Variants in PCDH15 observed in about 807,000 individuals in gnomAD.
PCDH15 encodes protocadherin related 15.
Under a neutral mutation model 178.5 loss-of-function variants are expected in PCDH15, and 129 were observed. The ratio of observed to expected loss-of-function variants is 0.72; its 90% confidence interval spans 0.63 to 0.84. The LOEUF is 0.84. Ranked by LOEUF, PCDH15 falls within the 40% of genes least tolerant of loss-of-function variation. The pLI, the probability that PCDH15 is intolerant of heterozygous loss-of-function variation, is 0.00. For missense variants in PCDH15, 2,230 were observed against 2,099.9 expected (o/e 1.06, Z -1.21); for synonymous variants, 800 against 732.0 (o/e 1.09, Z -1.50).
At chr10:54,282,565 A>C (rs564606939) in intron 8 of PCDH15, among the ~76,000 whole-genome samples, 2 of 152,256 alleles carry the variant, frequency 1.3e-5, no homozygotes, top group East Asian at 1.9e-4. Flanking sequence ...TCTACAATCA[A>C]GTAAAGCTCA....
At chr10:54,011,022 A>G (rs1373044071) in intron 20 of PCDH15, among the ~76,000 whole-genome samples, 1 of 152,148 alleles carries the variant, frequency 6.6e-6, no homozygotes. Flanking sequence ...AGGAGGACAC[A>G]GTCATCATAT....
intron 2 of PCDH15, among the ~76,000 whole-genome samples, chr10:55,392,715 AT>A (rs1837825612): frequency 6.6e-6 from 1 of 152,188 alleles, no homozygotes; most frequent in Non-Finnish European, 1.5e-5. Context: ...AATATATTGT[AT>A]TTAAAAGTTG....
intron 17 of PCDH15, among the ~76,000 whole-genome samples, chr10:54,068,889 A>G (rs2094187335): frequency 6.6e-6 from 1 of 152,212 alleles, no homozygotes; most frequent in South Asian, 2.1e-4. Flanking sequence ...AGATGCACAC[A>G]CACAAACATA....
In PCDH15 at chr10:53,991,001, C is replaced by T. The variant is rs367555471; in HGVS notation, c.2868+4648G>A. On this transcript the variant is annotated intron_variant, in intron 21 of 37. Transcript: ENST00000644397. ...ACTGAGTCCCCCAGCACTGCCCGCC[C>T]GCCCACGCTGCACTCGAATTCTCGC... Among the ~76,000 whole-genome samples the T allele has an allele frequency of 7.4e-4, 113 of 152,228 alleles. 1 individual carries two copies. The highest frequency in any genetic ancestry group is 2.3e-3 in the East Asian group (12 of 5,168).
At chr10:55,336,141 A>C (rs1588926645) in intron 2 of PCDH15, among the ~76,000 whole-genome samples, 1 of 150,204 alleles carries the variant, frequency 6.7e-6, no homozygotes, top group Admixed American at 6.6e-5. Flanking sequence ...AAAAAAAAAA[A>C]AAAAAAAAAA....
intron 1 of PCDH15, among the ~76,000 whole-genome samples, chr10:54,681,587 A>G (rs1434606095): frequency 1.3e-5 from 2 of 152,296 alleles, no homozygotes; most frequent in Non-Finnish European, 2.9e-5. Flanking sequence ...TGTATTTGCA[A>G]AACAGAAGTC....
At chr10:54,066,647 A>G (rs2094141515) in intron 18 of PCDH15, 110 bp downstream of exon 18, 1 of 1,058,474 alleles carries the variant, frequency 9.4e-7, no homozygotes, top group African/African-American at 1.6e-5. Flanking sequence ...AATATCCAGC[A>G]CAGTCATTTA....
At chr10:54,844,479 A>G (rs778372470) in intron 3 of PCDH15, among the ~76,000 whole-genome samples, 21 of 151,786 alleles carry the variant, frequency 1.4e-4, no homozygotes, top group Non-Finnish European at 2.5e-4. Context: ...GCTTTGATGG[A>G]TTCACATATA....
intron 2 of PCDH15, among the ~76,000 whole-genome samples, chr10:55,521,590 A>C (rs984012588): frequency 6.6e-6 from 1 of 151,948 alleles, no homozygotes; most frequent in Admixed American, 6.6e-5. Context: ...AATATTCTCT[A>C]TTTATCTGTC....
intron 3 of PCDH15, among the ~76,000 whole-genome samples, chr10:54,399,717 C>T (rs1479176715): frequency 6.6e-6 from 1 of 152,032 alleles, no homozygotes; most frequent in Non-Finnish European, 1.5e-5. Context: ...AGAGAATCAC[C>T]ATGAGGAATG....
chr10:55,026,712 T>C (rs1293981732), intron 2 of PCDH15, among the ~76,000 whole-genome samples: 1 of 151,898 alleles, frequency 6.6e-6, no homozygotes, highest in African/African-American at 2.4e-5. Flanking sequence ...AAATTGAAAA[T>C]GCCTGAAAGC....
At chr10:54,260,221 TA>T (rs2057209549) in intron 8 of PCDH15, among the ~76,000 whole-genome samples, 1 of 152,196 alleles carries the variant, frequency 6.6e-6, no homozygotes, top group Admixed American at 6.5e-5. Flanking sequence ...TCACGAGTTT[TA>T]TTAGAAGATT....
intron 2 of PCDH15, among the ~76,000 whole-genome samples, chr10:55,001,378 A>G (rs1053179513): frequency 6.6e-6 from 1 of 152,142 alleles, no homozygotes; most frequent in African/African-American, 2.4e-5. Flanking sequence ...CCTGCTCTAC[A>G]CACACACTTG....
intron 25 of PCDH15, among the ~76,000 whole-genome samples, chr10:53,931,322 G>A (rs1289068664): frequency 6.6e-6 from 1 of 152,192 alleles, no homozygotes; most frequent in Non-Finnish European, 1.5e-5. Flanking sequence ...TCAGCCATCA[G>A]GTGGATTGTA....
intron 3 of PCDH15, among the ~76,000 whole-genome samples, chr10:54,469,270 T>C (rs928499072): frequency 6.6e-6 from 1 of 152,094 alleles, no homozygotes; most frequent in Non-Finnish European, 1.5e-5. Context: ...CTAATTTTTG[T>C]ATTTTTGATT....
chr10:54,409,845 T>G (rs1488096858), intron 3 of PCDH15, among the ~76,000 whole-genome samples: 1 of 152,070 alleles, frequency 6.6e-6, no homozygotes, highest in Non-Finnish European at 1.5e-5. Context: ...CTGACTTGGG[T>G]GCTCTTGCCC....
chr10:55,067,284 C>T lies in PCDH15; in HGVS notation c.-80+99292G>A, dbSNP rs1314352318. 6.6e-5 allele frequency among the ~76,000 whole-genome samples: 10 copies of T among 151,996 alleles called. No individual in the cohort carries two copies. The East Asian group carries it at 1.9e-3, about 29-fold the overall frequency. On this transcript the variant is annotated intron_variant, in intron 2 of 5. Transcript: ENST00000458638. Reference sequence around the variant, plus strand: ...GTATCTAACATTCTACTCTGTGTGTCCATGAGATCAAGTTTTTTGGTTCTC... The same window carrying T: ...GTATCTAACATTCTACTCTGTGTGTTCATGAGATCAAGTTTTTTGGTTCTC...
At chr10:53,871,554 T>A (rs961008291) in intron 26 of PCDH15, among the ~76,000 whole-genome samples, 1 of 151,660 alleles carries the variant, frequency 6.6e-6, no homozygotes, top group Non-Finnish European at 1.5e-5. Flanking sequence ...ATAATGGTGA[T>A]TCAAAAGGTT....
At chr10:54,920,468 CAAAAAAAAAAAAAA>C (rs71014429) in intron 2 of PCDH15, among the ~76,000 whole-genome samples, 1 of 57,790 alleles carries the variant, frequency 1.7e-5, no homozygotes, top group Non-Finnish European at 3.0e-5. Flanking sequence ...GACTGTGTCT[CAAAAAAAAAAAAAA>C]AAAAAAAAAA....
Sources: gnomAD v4.1 joint callset for allele counts (sites outside exome capture counted in the v4.1 genomes callset) on GRCh38, gnomAD v4.1.1 for gene constraint, MANE v1.5 for transcripts, NCBI Gene and HGNC (gene_info 2026-07-23, HGNC 2026-07-21) for gene names.